CALN1: variants seen among roughly 807,000 people sequenced by gnomAD.
The protein encoded by CALN1 is calcium-binding protein 8.
A neutral mutation model predicts 30.6 loss-of-function variants in CALN1; 17 were observed. That is an observed-to-expected ratio of 0.56 (90% confidence interval 0.38 to 0.83). The LOEUF (loss-of-function observed/expected upper bound fraction) is 0.83, where lower values mean the gene tolerates loss of function less well. Ranked by LOEUF, CALN1 falls within the 40% of genes least tolerant of loss-of-function variation. The pLI, the probability that CALN1 is intolerant of heterozygous loss-of-function variation, is 0.00. For missense variants in CALN1, 291 were observed against 354.9 expected, an observed-to-expected ratio of 0.82 and a Z score of 1.45; for synonymous variants, 156 against 131.4, an observed-to-expected ratio of 1.19 and a Z score of -1.28.
intron 3 of CALN1, among the ~76,000 whole-genome samples, chr7:72,263,141 C>A (rs1311932821): frequency 6.6e-6 from 1 of 152,144 alleles, no homozygotes; most frequent in Non-Finnish European, 1.5e-5. Flanking sequence ...TAAGCATCAT[C>A]ATCATAACAA....
intron 4 of CALN1, among the ~76,000 whole-genome samples, chr7:72,051,761 A>G (rs544507269): frequency 9.2e-5 from 14 of 152,342 alleles, no homozygotes; most frequent in African/African-American, 3.4e-4. Flanking sequence ...AGAAAAATCA[A>G]TCCATGTATG....
At chr7:72,479,841 G>A in the CALN1 span, among the ~76,000 whole-genome samples, 1 of 152,286 alleles carries the variant, frequency 6.6e-6, no homozygotes, top group East Asian at 1.9e-4. Context: ...ATGAGCCACT[G>A]AGCCCGGCTT....
At chr7:72,138,883 G>A (rs1304883260) in intron 3 of CALN1, among the ~76,000 whole-genome samples, 2 of 143,160 alleles carry the variant, frequency 1.4e-5, no homozygotes, top group African/African-American at 5.2e-5. Context: ...TACCTCTGGA[G>A]TAATGGGCCA....
In CALN1 at chr7:72,403,436, T is replaced by C. The variant is rs1806484826; in HGVS notation, c.-67A>G. ...ATCAAAGGAACGTCAGCGAAGGCAC[T>C]GAGACTCTGAAAGGAGTTGACAGAA... On this transcript the variant is annotated 5_prime_UTR_variant, in exon 2 of 7. Transcript: ENST00000395275. The C allele has an allele frequency of 7.7e-7, 1 of 1,297,852 alleles. No homozygotes were observed. The highest frequency in any genetic ancestry group is 1.1e-6 in the Non-Finnish European group (1 of 943,118). 80.4% of individuals were successfully genotyped at this position (1,297,852 alleles called of 1,614,324 possible).
intron 4 of CALN1, among the ~76,000 whole-genome samples, chr7:72,041,708 C>A (rs547716751): frequency 1.3e-5 from 2 of 152,042 alleles, no homozygotes; most frequent in Non-Finnish European, 2.9e-5. Flanking sequence ...AATTGTAGCT[C>A]CCGTAATTCC....
intron 3 of CALN1, among the ~76,000 whole-genome samples, chr7:72,134,624 T>A (rs571500812): frequency 1.3e-5 from 2 of 152,350 alleles, no homozygotes; most frequent in Non-Finnish European, 2.9e-5. Flanking sequence ...TGAACAATCA[T>A]CTGAGCATTC....
At chr7:72,112,971 CA>C (rs879307421) in intron 3 of CALN1, among the ~76,000 whole-genome samples, 1 of 152,082 alleles carries the variant, frequency 6.6e-6, no homozygotes. Context: ...GGTAAACAGG[CA>C]GGGGTGGGAA....
chr7:71,947,352 A>G (rs1796458429), intron 5 of CALN1, among the ~76,000 whole-genome samples: 1 of 152,112 alleles, frequency 6.6e-6, no homozygotes, highest in Non-Finnish European at 1.5e-5. Flanking sequence ...ATGCAACCAC[A>G]TCATGAACTA....
chr7:72,479,149 A>G, the CALN1 span, among the ~76,000 whole-genome samples: 1 of 152,038 alleles, frequency 6.6e-6, no homozygotes, highest in Admixed American at 6.6e-5. Context: ...CAAAGTGCTG[A>G]GATTACAGGC....
intron 1 of CALN1, among the ~76,000 whole-genome samples, chr7:72,444,624 G>C (rs1209517235): frequency 6.6e-6 from 1 of 152,134 alleles, no homozygotes; most frequent in Non-Finnish European, 1.5e-5. Flanking sequence ...GCACAGTCCA[G>C]CAGTCAGTAC....
At chr7:72,436,230 T>A (rs1209304608) in intron 1 of CALN1, among the ~76,000 whole-genome samples, 1 of 152,232 alleles carries the variant, frequency 6.6e-6, no homozygotes, top group African/African-American at 2.4e-5. Flanking sequence ...CCACGTGTCC[T>A]GGGAGGGACC....
At position 72,154,512 on chromosome 7, in the gene CALN1, A is replaced by C. The variant is rs372976011; in HGVS notation, c.245-48218T>G. Among the ~76,000 whole-genome samples the C allele has an allele frequency of 1.9e-4, 29 of 152,322 alleles. No individual in the cohort carries two copies. The South Asian group carries it at 5.4e-3, about 28-fold the overall frequency. On this transcript the variant is annotated intron_variant, in intron 3 of 6. Transcript: ENST00000395275. Reference sequence around the variant, plus strand: ...ACCATCTTGAGGATACCAATGTGTCAGCAATGTCTCTACACAACACTCTTA... The same window carrying C: ...ACCATCTTGAGGATACCAATGTGTCCGCAATGTCTCTACACAACACTCTTA...
chr7:72,339,596 G>C lies in CALN1; in HGVS notation c.120-60786C>G, dbSNP rs1196632971. Reference sequence around the variant, plus strand: ...GGAAATGTTTTTGTTCCCTGTATCAGTCTGTTCTTATGCTGCTAATAAAGA... The same window carrying C: ...GGAAATGTTTTTGTTCCCTGTATCACTCTGTTCTTATGCTGCTAATAAAGA... On this transcript the variant is annotated intron_variant, in intron 2 of 6. Transcript: ENST00000395275. 4.6e-5 allele frequency among the ~76,000 whole-genome samples: 7 copies of C among 152,200 alleles called. No individual in the cohort carries two copies. The East Asian group carries it at 7.7e-4, about 17-fold the overall frequency.
intron 3 of CALN1, among the ~76,000 whole-genome samples, chr7:72,276,629 CG>C (rs530705494): frequency 8.7e-4 from 132 of 151,936 alleles, no homozygotes; most frequent in African/African-American, 3.2e-3. Flanking sequence ...GTCATTATCT[CG>C]GGGGGAGTTC....
At chr7:72,297,473 G>A (rs1467391840) in intron 2 of CALN1, among the ~76,000 whole-genome samples, 1 of 152,250 alleles carries the variant, frequency 6.6e-6, no homozygotes, top group East Asian at 1.9e-4. Flanking sequence ...AATTCTACAT[G>A]CAACTCCAGA....
chr7:71,790,744 G>T (rs1793333900), intron 6 of CALN1, among the ~76,000 whole-genome samples: 1 of 152,208 alleles, frequency 6.6e-6, no homozygotes, highest in South Asian at 2.1e-4. Context: ...GACCTCTGGG[G>T]TGGAGGTTGG....
At chr7:72,047,990 G>C (rs1316636647) in intron 4 of CALN1, among the ~76,000 whole-genome samples, 9 of 152,076 alleles carry the variant, frequency 5.9e-5, no homozygotes, top group Non-Finnish European at 1.2e-4. Flanking sequence ...AACACAGTGT[G>C]GGCACAGATT....
chr7:72,106,726 G>A (rs867202180), intron 3 of CALN1, among the ~76,000 whole-genome samples: 1 of 39,520 alleles, frequency 2.5e-5, no homozygotes, highest in African/African-American at 1.1e-4. Context: ...GGAAGGGAGG[G>A]AGGGAGGAAG....
At chr7:72,332,212 C>A (rs1585515102) in intron 2 of CALN1, among the ~76,000 whole-genome samples, 1 of 152,166 alleles carries the variant, frequency 6.6e-6, no homozygotes, top group Admixed American at 6.5e-5. Flanking sequence ...TAGAGCAGGG[C>A]TATTCCCTAG....
Sources: allele counts gnomAD v4.1 joint callset (sites outside exome capture counted in the v4.1 genomes callset), GRCh38; gene constraint gnomAD v4.1.1; transcripts MANE v1.5; gene names NCBI Gene and HGNC (gene_info 2026-07-23, HGNC 2026-07-21).